Variants in CLEC1A observed in about 807,000 individuals in gnomAD.
The protein encoded by CLEC1A is C-type lectin-like receptor-1.
A neutral mutation model predicts 28.7 loss-of-function variants in CLEC1A; 34 were observed. The ratio of observed to expected loss-of-function variants is 1.18; its 90% CI spans 0.90 to 1.57. The LOEUF (loss-of-function observed/expected upper bound fraction) is 1.57, where lower values mean the gene tolerates loss of function less well. CLEC1A is among the 40% of genes most tolerant of loss of function. CLEC1A has a pLI of 0.00. For missense variants in CLEC1A, 385 were observed against 339.5 expected, an observed-to-expected ratio of 1.13 and a Z score of -1.05; for synonymous variants, 116 against 121.0, an observed-to-expected ratio of 0.96 and a Z score of 0.27.
chr12:10,076,689 C>T (rs182516829), intron 3 of CLEC1A, among the ~76,000 whole-genome samples: 29 of 152,212 alleles, frequency 1.9e-4, no homozygotes, highest in African/African-American at 6.0e-4. Flanking sequence ...TGATGCTTAC[C>T]TAAAAGGATT....
At chr12:10,081,498 T>C in intron 2 of CLEC1A, 85 bp from the exon 3 acceptor site, 2 of 1,111,466 alleles carry the variant, frequency 1.8e-6, no homozygotes, top group South Asian at 1.7e-5. Flanking sequence ...CAAAACAGTA[T>C]ATTTTTTAGT....
chr12:10,086,139 C>T (rs538514665), intron 2 of CLEC1A, among the ~76,000 whole-genome samples: 6 of 152,046 alleles, frequency 3.9e-5, no homozygotes, highest in East Asian at 3.9e-4. Context: ...TTGAACAGAA[C>T]GATAATATTG....
At chr12:10,094,333 C>G (rs1565608932) in intron 1 of CLEC1A, among the ~76,000 whole-genome samples, 4 of 152,006 alleles carry the variant, frequency 2.6e-5, no homozygotes, top group Admixed American at 1.3e-4. Flanking sequence ...TGAGGCCTAG[C>G]AGGTTTAGAC....
intron 2 of CLEC1A, 128 bp from the exon 3 acceptor site, chr12:10,081,541 T>C: frequency 1.1e-5 from 6 of 547,660 alleles, no homozygotes; most frequent in Non-Finnish European, 1.5e-5. Context: ...ATTGCCTATA[T>C]TCAAGTTTGG....
At chr12:10,085,738 C>G (rs1485360779) in intron 2 of CLEC1A, among the ~76,000 whole-genome samples, 1 of 152,050 alleles carries the variant, frequency 6.6e-6, no homozygotes, top group Non-Finnish European at 1.5e-5. Context: ...CTTCAATACT[C>G]CACTGACAGC....
At chr12:10,091,999 AAATG>A (rs1321589280) in intron 1 of CLEC1A, among the ~76,000 whole-genome samples, 2 of 112,948 alleles carry the variant, frequency 1.8e-5, no homozygotes, top group Non-Finnish European at 4.4e-5. Context: ...AAATTTAAAT[AAATG>A]AATGAATAGG....
chr12:10,070,709 A>C lies in CLEC1A; in HGVS notation c.*624T>G, dbSNP rs1866107361. 6.6e-6 allele frequency: 1 copy of C among 152,188 alleles called. No homozygotes were observed. Among genetic ancestry groups the C allele is most frequent in the Non-Finnish European group, 1.5e-5 (1 of 68,018 alleles). 9.4% of individuals were successfully genotyped at this position (152,188 alleles called of 1,614,324 possible). ...GAGAAATTCCTATGGAGGGGAGACA[A>C]TTATCAGAGTCTTAATGGACACAGG... On this transcript the variant is annotated 3_prime_UTR_variant, in exon 6 of 6. Coordinates refer to ENST00000315330, the MANE Select transcript of CLEC1A (RefSeq NM_016511.4).
At chr12:10,094,259 C>T (rs1158206756) in intron 1 of CLEC1A, among the ~76,000 whole-genome samples, 1 of 152,008 alleles carries the variant, frequency 6.6e-6, no homozygotes, top group Non-Finnish European at 1.5e-5. Flanking sequence ...TGAATGTTCT[C>T]ATCTAGCCTC....
intron 1 of CLEC1A, 61 bp downstream of exon 1, chr12:10,098,747 T>C (rs1474168964): frequency 4.9e-6 from 5 of 1,017,610 alleles, no homozygotes; most frequent in Admixed American, 2.1e-5. Flanking sequence ...CTAGGAGGGA[T>C]AGATCATCTC....
intron 2 of CLEC1A, 122 bp downstream of exon 2, chr12:10,089,002 A>G: frequency 1.3e-6 from 1 of 749,208 alleles, no homozygotes; most frequent in Non-Finnish European, 2.3e-6. Flanking sequence ...TTAAAAAAAG[A>G]TACACTGAAT....
chr12:10,081,193 T>C, intron 3 of CLEC1A, 44 bp downstream of exon 3: 2 of 1,461,736 alleles, frequency 1.4e-6, no homozygotes, highest in Non-Finnish European at 1.8e-6. Context: ...TCCATCTCTC[T>C]GTTTCCAGAC....
intron 2 of CLEC1A, among the ~76,000 whole-genome samples, chr12:10,082,748 C>A (rs1395847694): frequency 6.6e-6 from 1 of 151,898 alleles, no homozygotes; most frequent in Non-Finnish European, 1.5e-5. Context: ...GCCAACAACT[C>A]AAACCATTAG....
At chr12:10,095,538 T>C (rs1362475935) in intron 1 of CLEC1A, among the ~76,000 whole-genome samples, 1 of 152,070 alleles carries the variant, frequency 6.6e-6, no homozygotes, top group African/African-American at 2.4e-5. Context: ...CCATTTTATC[T>C]TCAAAAAAAA....
intron 2 of CLEC1A, among the ~76,000 whole-genome samples, chr12:10,081,769 T>C (rs149578675): frequency 1.3e-5 from 2 of 151,110 alleles, no homozygotes; most frequent in African/African-American, 4.9e-5. Flanking sequence ...AATGCACAGA[T>C]CCTTTGAAAG....
At position 10,098,981 on chromosome 12, in the gene CLEC1A, A is replaced by G. The variant is rs1349477759; in HGVS notation, c.-59T>C. The stretch of plus-strand genomic sequence containing the variant: ...TCGGATTGCCCTGGGCCGCCGGGCT[A>G]CTGTGAGCTAGTTCAGGAAGCAAGG... On this transcript the variant is annotated 5_prime_UTR_variant, in exon 1 of 6. Coordinates refer to ENST00000315330, the MANE Select transcript of CLEC1A (RefSeq NM_016511.4). The G allele has an allele frequency of 1.6e-6, 2 of 1,247,322 alleles. No homozygotes were observed. Among genetic ancestry groups the G allele is most frequent in the African/African-American group, 1.5e-5 (1 of 67,252 alleles). The allele number at this position is 1,247,322 out of a possible 1,614,324, so 77.3% of individuals were successfully genotyped here. A position where few individuals can be genotyped will look rare whatever the true frequency, so the allele number is the denominator to read the frequency against.
At chr12:10,072,060 G>A (rs981334888) in intron 5 of CLEC1A, among the ~76,000 whole-genome samples, 5 of 152,120 alleles carry the variant, frequency 3.3e-5, no homozygotes, top group African/African-American at 7.2e-5. Context: ...GGAGGTGTTC[G>A]GGTCATCGGG....
intron 1 of CLEC1A, among the ~76,000 whole-genome samples, chr12:10,093,422 T>C (rs1947734096): frequency 6.8e-6 from 1 of 147,660 alleles, no homozygotes; most frequent in Non-Finnish European, 1.5e-5. Flanking sequence ...AACCATACTA[T>C]AAAAGGCCTT....
At position 10,098,950 on chromosome 12, in the gene CLEC1A, A is replaced by G; in HGVS notation, c.-28T>C. On this transcript the variant is annotated 5_prime_UTR_variant, in exon 1 of 6. Transcript: ENST00000315330. Reference sequence around the variant, plus strand: ...GGATTCCTACAGCGGTGAGAGTGAAATGTGGTCGGATTGCCCTGGGCCGCC... The same window carrying G: ...GGATTCCTACAGCGGTGAGAGTGAAGTGTGGTCGGATTGCCCTGGGCCGCC... The G allele has an allele frequency of 6.5e-7, 1 of 1,549,998 alleles. No individual in the cohort carries two copies. Among genetic ancestry groups the G allele is most frequent in the Non-Finnish European group, 8.9e-7 (1 of 1,129,654 alleles).
At chr12:10,080,146 T>TA (rs1467049688) in intron 3 of CLEC1A, among the ~76,000 whole-genome samples, 2 of 152,038 alleles carry the variant, frequency 1.3e-5, no homozygotes, top group Non-Finnish European at 2.9e-5. Flanking sequence ...CCATCTCTAC[T>TA]AAAAATACAA....
Sources: gnomAD v4.1 joint callset for allele counts (sites outside exome capture counted in the v4.1 genomes callset) on GRCh38, gnomAD v4.1.1 for gene constraint, MANE v1.5 for transcripts, NCBI Gene and HGNC (gene_info 2026-07-23, HGNC 2026-07-21) for gene names.